NKAIN3: variants seen among roughly 807,000 people sequenced by gnomAD.
NKAIN3 encodes sodium/potassium transporting ATPase interacting 3, also known as sodium/potassium-transporting ATPase subunit beta-1-interacting protein 3.
NKAIN3 carries 25 observed loss-of-function variants against 30.2 expected under a neutral mutation model. That is an observed-to-expected ratio of 0.83 (90% CI 0.60 to 1.16). The LOEUF is 1.16. Ranked by LOEUF, NKAIN3 falls within the 50% of genes most tolerant of loss-of-function variation. The pLI is 0.00. For synonymous variants in NKAIN3, 91 were observed against 89.6 expected (o/e 1.02, Z -0.09); for missense variants, 225 against 254.1 (o/e 0.89, Z 0.78).
chr8:62,459,725 C>T (rs1006381358), intron 1 of NKAIN3, among the ~76,000 whole-genome samples: 33 of 151,996 alleles, frequency 2.2e-4, no homozygotes, highest in African/African-American at 6.5e-4. Flanking sequence ...ATACATAGAT[C>T]GGAGAAGAAA....
chr8:62,847,024 G>T (rs1333677021), intron 4 of NKAIN3, among the ~76,000 whole-genome samples: 2 of 152,102 alleles, frequency 1.3e-5, no homozygotes, highest in African/African-American at 4.8e-5. Context: ...ATCTGTCCCT[G>T]CCCTTGACAT....
At chr8:62,681,538 C>A (rs1813644107) in intron 3 of NKAIN3, among the ~76,000 whole-genome samples, 2 of 152,094 alleles carry the variant, frequency 1.3e-5, no homozygotes, top group African/African-American at 2.4e-5. Context: ...ATAAGAAAAA[C>A]CAGACCGTGT....
intron 4 of NKAIN3, among the ~76,000 whole-genome samples, chr8:62,804,427 C>T (rs1246710684): frequency 1.3e-5 from 2 of 152,156 alleles, no homozygotes; most frequent in African/African-American, 4.8e-5. Flanking sequence ...CCAAATCCAG[C>T]AGCACATCAA....
chr8:62,932,611 A>G (rs1309905078), intron 5 of NKAIN3, among the ~76,000 whole-genome samples: 1 of 152,256 alleles, frequency 6.6e-6, no homozygotes. Flanking sequence ...TCAGGAAGTC[A>G]TAAGTTACTG....
At chr8:62,723,954 T>C (rs1037319009) in intron 3 of NKAIN3, among the ~76,000 whole-genome samples, 3 of 152,178 alleles carry the variant, frequency 2.0e-5, no homozygotes, top group African/African-American at 7.2e-5. Context: ...CTGTGTTTTC[T>C]CTGCATTCCA....
chr8:62,593,586 G>A (rs1810726051), intron 3 of NKAIN3, among the ~76,000 whole-genome samples: 1 of 151,778 alleles, frequency 6.6e-6, no homozygotes, highest in Admixed American at 6.6e-5. Context: ...ATTCATTAAA[G>A]AAAGAAGTGA....
chr8:62,815,417 A>T (rs1207305192), intron 4 of NKAIN3, among the ~76,000 whole-genome samples: 1 of 152,184 alleles, frequency 6.6e-6, no homozygotes, highest in Non-Finnish European at 1.5e-5. Context: ...GACACAACCA[A>T]AAAAGAGAAT....
chr8:62,667,223 A>C (rs1187193517), intron 3 of NKAIN3, among the ~76,000 whole-genome samples: 1 of 150,560 alleles, frequency 6.6e-6, no homozygotes, highest in Non-Finnish European at 1.5e-5. Context: ...GGTGCAGCAC[A>C]CCAACATGGC....
chr8:62,502,097 C>A (rs1807473062), intron 1 of NKAIN3, among the ~76,000 whole-genome samples: 1 of 152,190 alleles, frequency 6.6e-6, no homozygotes, highest in East Asian at 1.9e-4. Flanking sequence ...TCATCCCTTG[C>A]ACTGTTGCTA....
chr8:62,809,175 T>C (rs1009757178), intron 4 of NKAIN3, among the ~76,000 whole-genome samples: 1 of 152,228 alleles, frequency 6.6e-6, no homozygotes, highest in Non-Finnish European at 1.5e-5. Flanking sequence ...ATCGCTGTTA[T>C]CCTGTTCCTT....
intron 5 of NKAIN3, among the ~76,000 whole-genome samples, chr8:62,947,149 A>G (rs867544774): frequency 7.0e-4 from 107 of 152,334 alleles, no homozygotes; most frequent in Middle Eastern, 6.8e-3. Flanking sequence ...CTTTCTTACA[A>G]AGGGGTTCCT....
chr8:62,658,072 C>A (rs942212592), intron 3 of NKAIN3, among the ~76,000 whole-genome samples: 2 of 152,128 alleles, frequency 1.3e-5, no homozygotes, highest in South Asian at 2.1e-4. Flanking sequence ...GAAGGGCAGC[C>A]GAGGCATAGA....
intron 1 of NKAIN3, among the ~76,000 whole-genome samples, chr8:62,400,535 G>A (rs185199079): frequency 5.3e-5 from 8 of 152,148 alleles, no homozygotes; most frequent in African/African-American, 1.7e-4. Flanking sequence ...GAACCATAGG[G>A]GTGTAGAGGA....
At chr8:62,809,113 G>A (rs372935014) in intron 4 of NKAIN3, among the ~76,000 whole-genome samples, 8 of 152,210 alleles carry the variant, frequency 5.3e-5, no homozygotes, top group Admixed American at 2.0e-4. Context: ...GCTCCGTTCC[G>A]CCCAGCTCTC....
At position 62,464,347 on chromosome 8, in the gene NKAIN3, A is replaced by G. The variant is rs1042648736; in HGVS notation, c.55-115192A>G. On this transcript the variant is annotated intron_variant, in intron 1 of 6. Transcript: ENST00000623646. Reference sequence around the variant, plus strand: ...TTTGGGAGGTCCTGTTGCTGATAACAGCGTATTTCATCAAATAATTATCAA... The same window carrying G: ...TTTGGGAGGTCCTGTTGCTGATAACGGCGTATTTCATCAAATAATTATCAA... Among the ~76,000 whole-genome samples the G allele has an allele frequency of 2.6e-5, 4 of 152,328 alleles. No homozygotes were observed. The South Asian group carries it at 8.3e-4, about 32-fold the overall frequency.
In NKAIN3 at chr8:62,978,788, A is replaced by T. The variant is rs1479146454; in HGVS notation, c.*13381A>T. On this transcript the variant is annotated 3_prime_UTR_variant, in exon 7 of 7. Coordinates refer to ENST00000623646, the MANE Select transcript of NKAIN3 (RefSeq NM_001304533.3). ...CGAAAAAAACTCCTACAGCTAGCTCAGTGTCTGCCCAAATGGCCACTCAGT... is the reference window on the plus strand; with the variant it reads ...CGAAAAAAACTCCTACAGCTAGCTCTGTGTCTGCCCAAATGGCCACTCAGT... The T allele has an allele frequency of 1.3e-5, 2 of 153,298 alleles. No individual in the cohort carries two copies. Among genetic ancestry groups the T allele is most frequent in the African/African-American group, 4.8e-5 (2 of 41,432 alleles). The allele number at this position is 153,298 out of a possible 1,614,324, so 9.5% of individuals were successfully genotyped here. A position where few individuals can be genotyped will look rare whatever the true frequency, so the allele number is the denominator to read the frequency against.
intron 4 of NKAIN3, among the ~76,000 whole-genome samples, chr8:62,902,538 A>G (rs909379255): frequency 4.6e-5 from 7 of 152,184 alleles, no homozygotes; most frequent in African/African-American, 1.7e-4. Flanking sequence ...AGCCACAAAG[A>G]CATGTATACT....
At chr8:62,478,748 A>G (rs1044930377) in intron 1 of NKAIN3, among the ~76,000 whole-genome samples, 11 of 152,190 alleles carry the variant, frequency 7.2e-5, no homozygotes, top group Non-Finnish European at 1.6e-4. Flanking sequence ...AATAAACCAG[A>G]TGATCAGGGA....
intron 3 of NKAIN3, among the ~76,000 whole-genome samples, chr8:62,710,781 G>A (rs1814688638): frequency 6.6e-6 from 1 of 152,022 alleles, no homozygotes; most frequent in African/African-American, 2.4e-5. Flanking sequence ...TGTGTACTTT[G>A]TTTCTTTTTC....
Sources: allele counts gnomAD v4.1 joint callset (sites outside exome capture counted in the v4.1 genomes callset), GRCh38; gene constraint gnomAD v4.1.1; transcripts MANE v1.5; gene names NCBI Gene and HGNC (gene_info 2026-07-23, HGNC 2026-07-21).